Variants in RLIG1 observed in about 807,000 individuals in gnomAD.
RLIG1 encodes RNA 5'-phosphate and 3'-OH ligase 1.
chr12:88,040,161 T>C, the RLIG1 span: 1 of 1,607,818 alleles, frequency 6.2e-7, no homozygotes, highest in Non-Finnish European at 8.5e-7. Flanking sequence ...TTTAAAGTTT[T>C]GGCAACTGAA....
the RLIG1 span, chr12:88,040,410 G>A: frequency 2.0e-6 from 1 of 501,306 alleles, no homozygotes; most frequent in Non-Finnish European, 3.6e-6. Flanking sequence ...AATTGTTATA[G>A]TTCACTTATG....
At chr12:88,039,643 C>T in the RLIG1 span, among the ~76,000 whole-genome samples, 1 of 152,068 alleles carries the variant, frequency 6.6e-6, no homozygotes, top group Non-Finnish European at 1.5e-5. Flanking sequence ...TCCACCGTAT[C>T]CAAAATAGCA....
At chr12:88,045,988 C>T in the RLIG1 span, among the ~76,000 whole-genome samples, 23 of 152,186 alleles carry the variant, frequency 1.5e-4, 1 homozygote, top group East Asian at 3.9e-3. Flanking sequence ...TATCCTCATT[C>T]TTTCCTGTAA....
the RLIG1 span, chr12:88,035,745 A>G: frequency 2.5e-6 from 4 of 1,589,102 alleles, no homozygotes; most frequent in Non-Finnish European, 3.4e-6. Flanking sequence ...TCAGGTACGG[A>G]GGAGCGCCGG....
chr12:88,046,057 A>C, the RLIG1 span, among the ~76,000 whole-genome samples: 3 of 152,166 alleles, frequency 2.0e-5, no homozygotes, highest in African/African-American at 7.2e-5. Flanking sequence ...CTTGCTTTTA[A>C]AAATTCAGGT....
At chr12:88,041,774 A>G in the RLIG1 span, 3 of 152,180 alleles carry the variant, frequency 2.0e-5, no homozygotes, top group African/African-American at 7.2e-5. Context: ...GTAGTACAGA[A>G]TATTTGGACC....
At chr12:88,045,919 T>C in the RLIG1 span, 1 of 650,520 alleles carries the variant, frequency 1.5e-6, no homozygotes, top group Non-Finnish European at 2.6e-6. Context: ...TATCCATTTC[T>C]GTTAACTTTA....
chr12:88,043,642 G>C, the RLIG1 span: 1 of 1,612,982 alleles, frequency 6.2e-7, no homozygotes, highest in Non-Finnish European at 8.5e-7. Flanking sequence ...CAGCTCCGGA[G>C]TGCTGGATAC....
At chr12:88,036,600 A>G in the RLIG1 span, among the ~76,000 whole-genome samples, 3 of 152,216 alleles carry the variant, frequency 2.0e-5, no homozygotes, top group Non-Finnish European at 2.9e-5. Flanking sequence ...TGTTGAATTA[A>G]AGAATGAACC....
At chr12:88,048,506 T>C in the RLIG1 span, 1 of 781,224 alleles carries the variant, frequency 1.3e-6, no homozygotes, top group Non-Finnish European at 1.8e-6. Flanking sequence ...TTCTGTTCAT[T>C]ATGAAACATC....
At chr12:88,037,035 C>G in the RLIG1 span, among the ~76,000 whole-genome samples, 1 of 152,160 alleles carries the variant, frequency 6.6e-6, no homozygotes, top group Admixed American at 6.5e-5. Context: ...TATAGCATAG[C>G]ATCCACATTC....
the RLIG1 span, chr12:88,047,094 T>A: frequency 9.3e-7 from 1 of 1,072,364 alleles, no homozygotes. Context: ...GTAAAGAAAT[T>A]TAATTTTCTC....
At chr12:88,048,519 T>C in the RLIG1 span, 3 of 723,204 alleles carry the variant, frequency 4.1e-6, no homozygotes, top group East Asian at 3.2e-5. Flanking sequence ...GAAACATCAA[T>C]ATGTTTTCTA....
chr12:88,035,652 A>C, the RLIG1 span: 1 of 1,604,748 alleles, frequency 6.2e-7, no homozygotes, highest in South Asian at 1.1e-5. Context: ...GCTCATCATG[A>C]AGCGCTTGGG....
At chr12:88,049,264 C>T in the RLIG1 span, 3 of 1,609,836 alleles carry the variant, frequency 1.9e-6, no homozygotes, top group Non-Finnish European at 8.5e-7. Context: ...GTTAATTCAA[C>T]TCCCAATTGT....
the RLIG1 span, chr12:88,035,698 C>T: frequency 1.2e-6 from 2 of 1,608,232 alleles, no homozygotes; most frequent in Non-Finnish European, 1.7e-6. Flanking sequence ...GTGTTTGTGA[C>T]GGAGGTGAAA....
chr12:88,049,575 C>T, the RLIG1 span: 1 of 553,264 alleles, frequency 1.8e-6, no homozygotes. Flanking sequence ...TTCCATTGTA[C>T]AGTGTAAATA....
At chr12:88,045,803 C>G in the RLIG1 span, 1 of 1,578,236 alleles carries the variant, frequency 6.3e-7, no homozygotes, top group Non-Finnish European at 8.7e-7. Flanking sequence ...TTTTCTTGTT[C>G]AGTTATTGTA....
chr12:88,044,041 G>A, the RLIG1 span: 2 of 269,694 alleles, frequency 7.4e-6, no homozygotes, highest in Non-Finnish European at 6.9e-6. Flanking sequence ...GGAGGCTGAG[G>A]TGGGTGGATT....
Sources: allele counts gnomAD v4.1 joint callset (sites outside exome capture counted in the v4.1 genomes callset), GRCh38; gene constraint gnomAD v4.1.1; transcripts MANE v1.5; gene names NCBI Gene and HGNC (gene_info 2026-07-23, HGNC 2026-07-21).